Variants in NSMCE2 observed in about 807,000 individuals in gnomAD.
NSMCE2 encodes the protein NSE2 SUMO ligase component of SMC5/6 complex.
In NSMCE2, 24 loss-of-function variants were observed where a neutral mutation model predicts 23.8. The ratio of observed to expected loss-of-function variants is 1.01; its 90% confidence interval spans 0.73 to 1.42. The LOEUF (loss-of-function observed/expected upper bound fraction) is 1.42, where lower values mean the gene tolerates loss of function less well. Among genes scored for constraint, NSMCE2 ranks in the 40% most tolerant of loss-of-function variants. The pLI is 0.00. For synonymous variants in NSMCE2, 92 were observed against 94.1 expected (o/e 0.98, Z 0.13); for missense variants, 284 against 296.5 (o/e 0.96, Z 0.31).
intron 5 of NSMCE2, among the ~76,000 whole-genome samples, chr8:125,280,564 A>G (rs956957511): frequency 2.0e-5 from 3 of 152,212 alleles, no homozygotes; most frequent in African/African-American, 4.8e-5. Context: ...CATATTCACT[A>G]TCATCATACT....
chr8:125,107,690 A>T (rs996647700), intron 3 of NSMCE2, among the ~76,000 whole-genome samples: 5 of 152,184 alleles, frequency 3.3e-5, no homozygotes, highest in African/African-American at 1.2e-4. Flanking sequence ...GCAAATGTTA[A>T]AAAAGAAAAA....
At chr8:125,298,121 G>A (rs1195537760) in intron 5 of NSMCE2, among the ~76,000 whole-genome samples, 14 of 152,030 alleles carry the variant, frequency 9.2e-5, no homozygotes, top group Admixed American at 9.2e-4. Context: ...TTTGCCTGGT[G>A]TGGTGGTACA....
intron 5 of NSMCE2, among the ~76,000 whole-genome samples, chr8:125,349,619 G>A (rs1198986886): frequency 1.3e-5 from 2 of 151,500 alleles, no homozygotes; most frequent in African/African-American, 4.8e-5. Flanking sequence ...GAAAAGAAAT[G>A]TTCCAGCCTA....
intron 5 of NSMCE2, among the ~76,000 whole-genome samples, chr8:125,258,737 G>C (rs1225814411): frequency 6.6e-6 from 1 of 152,196 alleles, no homozygotes; most frequent in Non-Finnish European, 1.5e-5. Flanking sequence ...GAGAGAGGTG[G>C]GGGGGTTATG....
intron 5 of NSMCE2, among the ~76,000 whole-genome samples, chr8:125,292,275 G>A (rs936038037): frequency 2.6e-5 from 4 of 151,894 alleles, no homozygotes; most frequent in African/African-American, 4.8e-5. Context: ...TGGGAGGCCA[G>A]GGGGAGCAGT....
At chr8:125,096,907 G>A (rs547366247) in intron 1 of NSMCE2, among the ~76,000 whole-genome samples, 19 of 152,140 alleles carry the variant, frequency 1.2e-4, no homozygotes, top group African/African-American at 4.3e-4. Flanking sequence ...ACCACACCTG[G>A]CCCTCTGTGT....
intron 3 of NSMCE2, among the ~76,000 whole-genome samples, chr8:125,135,408 AT>A (rs1820015329): frequency 6.6e-6 from 1 of 152,012 alleles, no homozygotes; most frequent in South Asian, 2.1e-4. Context: ...CAGTTTACCA[AT>A]TTTTTCTCTT....
At chr8:125,319,568 A>G (rs1183994729) in intron 5 of NSMCE2, among the ~76,000 whole-genome samples, 3 of 152,138 alleles carry the variant, frequency 2.0e-5, no homozygotes, top group Non-Finnish European at 4.4e-5. Flanking sequence ...ACATATGTAA[A>G]GACCCAATAA....
At chr8:125,295,210 A>G (rs1310761712) in intron 5 of NSMCE2, among the ~76,000 whole-genome samples, 1 of 152,070 alleles carries the variant, frequency 6.6e-6, no homozygotes. Flanking sequence ...TATTTTCTAA[A>G]CCAGTTTTTC....
At chr8:125,162,350 T>C (rs923367485) in intron 4 of NSMCE2, among the ~76,000 whole-genome samples, 6 of 152,234 alleles carry the variant, frequency 3.9e-5, no homozygotes, top group Admixed American at 3.3e-4. Flanking sequence ...GAACATGTTA[T>C]ACTACATGTT....
intron 4 of NSMCE2, among the ~76,000 whole-genome samples, chr8:125,166,070 A>G (rs1375049911): frequency 6.6e-6 from 1 of 152,174 alleles, no homozygotes; most frequent in Non-Finnish European, 1.5e-5. Flanking sequence ...ATATCCTTGG[A>G]TTGCCCTCAT....
intron 1 of NSMCE2, among the ~76,000 whole-genome samples, chr8:125,096,062 C>T (rs1010374591): frequency 6.6e-6 from 1 of 152,094 alleles, no homozygotes; most frequent in Non-Finnish European, 1.5e-5. Context: ...AGTAGTTTTC[C>T]TCCAAGCAGT....
At chr8:125,289,624 C>T (rs1213209087) in intron 5 of NSMCE2, among the ~76,000 whole-genome samples, 1 of 152,216 alleles carries the variant, frequency 6.6e-6, no homozygotes, top group Non-Finnish European at 1.5e-5. Context: ...CAGTGTCTGA[C>T]ATGGCTCTGC....
At chr8:125,105,802 T>G (rs779160218) in intron 3 of NSMCE2, among the ~76,000 whole-genome samples, 20 of 152,170 alleles carry the variant, frequency 1.3e-4, no homozygotes, top group Non-Finnish European at 2.4e-4. Flanking sequence ...AACCCCTGCT[T>G]TAGTGCCGCA....
intron 3 of NSMCE2, among the ~76,000 whole-genome samples, chr8:125,150,760 A>G (rs934203638): frequency 2.0e-5 from 3 of 152,152 alleles, no homozygotes; most frequent in Non-Finnish European, 4.4e-5. Context: ...AATCTTCCCT[A>G]TTTGACCTTT....
chr8:125,155,192 A>G (rs1359970601), intron 4 of NSMCE2, among the ~76,000 whole-genome samples: 1 of 152,216 alleles, frequency 6.6e-6, no homozygotes, highest in Non-Finnish European at 1.5e-5. Flanking sequence ...TAAAGCATTC[A>G]GGGAGAGTTA....
At chr8:125,245,238 G>C (rs940434923) in intron 5 of NSMCE2, among the ~76,000 whole-genome samples, 1 of 152,084 alleles carries the variant, frequency 6.6e-6, no homozygotes, top group Admixed American at 6.6e-5. Flanking sequence ...AGCAGATATT[G>C]CACCACTGCA....
At chr8:125,105,280 T>C (rs1165801178) in intron 3 of NSMCE2, among the ~76,000 whole-genome samples, 1 of 152,234 alleles carries the variant, frequency 6.6e-6, no homozygotes, top group South Asian at 2.1e-4. Context: ...GTTTTAACCC[T>C]ACCCAGTCTG....
At chr8:125,313,216 AAAG>A (rs933361572) in intron 5 of NSMCE2, among the ~76,000 whole-genome samples, 35 of 150,888 alleles carry the variant, frequency 2.3e-4, no homozygotes, top group African/African-American at 7.4e-4. Flanking sequence ...GAAAGAAAGA[AAAG>A]AAAGAAAAAG....
Sources: allele counts gnomAD v4.1 joint callset (sites outside exome capture counted in the v4.1 genomes callset), GRCh38; gene constraint gnomAD v4.1.1; transcripts MANE v1.5; gene names NCBI Gene and HGNC (gene_info 2026-07-23, HGNC 2026-07-21).